EPHB4: variants seen among roughly 807,000 people sequenced by gnomAD.
EPHB4 encodes the protein ephrin type-B receptor 4.
In EPHB4, 50 loss-of-function variants were observed where a neutral mutation model predicts 110.6. That is an observed-to-expected ratio of 0.45 (90% CI 0.36 to 0.57). The LOEUF is 0.57. EPHB4 is among the 20% of genes least tolerant of loss of function. The pLI, the probability that EPHB4 is intolerant of heterozygous loss-of-function variation, is 0.00. For synonymous variants in EPHB4, 592 were observed against 578.4 expected, an observed-to-expected ratio of 1.02 and a Z score of -0.34; for missense variants, 1,128 against 1,382.1, an observed-to-expected ratio of 0.82 and a Z score of 2.91.
chr7:100,817,703 ATTTG>A (rs1813111901), intron 7 of EPHB4, among the ~76,000 whole-genome samples: 1 of 150,958 alleles, frequency 6.6e-6, no homozygotes, highest in Non-Finnish European at 1.5e-5. Flanking sequence ...TGATTTTGCT[ATTTG>A]TAGTAGAGAC....
chr7:100,806,613 G>A, intron 13 of EPHB4, 44 bp from the exon 14 acceptor site: 1 of 1,585,866 alleles, frequency 6.3e-7, no homozygotes. Context: ...CTCACTGAGG[G>A]ACTCACCAGA....
chr7:100,805,756 C>A, intron 14 of EPHB4, 62 bp from the exon 15 acceptor site: 1 of 1,372,948 alleles, frequency 7.3e-7, no homozygotes, highest in Non-Finnish European at 9.5e-7. Flanking sequence ...TGCTAACAGG[C>A]CCAGGAAATG....
rs1812989857 is a variant in EPHB4 at position 100,813,319 on chromosome 7, T to G, written c.1757-111A>C. The G allele has an allele frequency of 4.5e-6, 4 of 888,500 alleles. No individual in the cohort carries two copies. In the South Asian group the frequency reaches 5.6e-5, roughly 12 times the overall value. 55.0% of individuals were successfully genotyped at this position (888,500 alleles called of 1,614,324 possible). ...CCTGTCTCCGTGGTTTTTTTTTTTT[T>G]TTTTTTTTTTCCTGAGATGGAGTCT... On this transcript the variant is annotated intron_variant, in intron 10 of 16. Transcript: ENST00000358173.
intron 1 of EPHB4, 38 bp from the exon 2 acceptor site, chr7:100,824,311 G>T (rs370177529): frequency 7.5e-6 from 12 of 1,607,062 alleles, no homozygotes; most frequent in Admixed American, 3.3e-5. Flanking sequence ...TGCCTGGGGT[G>T]GGGGAGGGAG....
intron 15 of EPHB4, 38 bp from the exon 16 acceptor site, chr7:100,805,359 G>T (rs1011506431): frequency 6.2e-7 from 1 of 1,611,350 alleles, no homozygotes; most frequent in South Asian, 1.1e-5. Flanking sequence ...TGAGTACCAG[G>T]CCCAGGTCCG....
At chr7:100,811,306 T>TG (rs1344586409) in intron 12 of EPHB4, among the ~76,000 whole-genome samples, 6 of 151,662 alleles carry the variant, frequency 4.0e-5, no homozygotes, top group African/African-American at 1.5e-4. Flanking sequence ...CAGTAAAATC[T>TG]GGTAAAGTGA....
intron 10 of EPHB4, 55 bp downstream of exon 10, chr7:100,813,597 G>A: frequency 6.3e-7 from 1 of 1,595,028 alleles, no homozygotes; most frequent in Non-Finnish European, 8.6e-7. Context: ...ATTATAGATA[G>A]GAGCCACCAC....
In EPHB4 at chr7:100,822,324, C is replaced by T. The variant is rs759962143; in HGVS notation, c.755G>A (p.Gly252Asp). ...DGQWAEQPVT[G>D]CSCAPGFEAA... ...CTCGAACCCCGGAGCACAGCTGCAG[C>T]CCGTGACCGGCTGTTCGGCCCACTG... Residue 252 changes from glycine to aspartate, a missense_variant, in exon 4 of 17, where the codon GGC becomes GAC. By Grantham distance (94) the Gly-to-Asp change is moderately conservative. This residue lies in a region of EPHB4 where 728 missense variants were observed against 828.6 expected (regional missense o/e 0.88). Coordinates refer to ENST00000358173, the MANE Select transcript of EPHB4 (RefSeq NM_004444.5). This position sits in a 1 kb window ranked among gnomAD's most constrained non-coding sequence, Gnocchi z 4.7. The T allele has an allele frequency of 2.0e-5, 31 of 1,567,394 alleles. No homozygotes were observed. Among genetic ancestry groups the T allele is most frequent in the Non-Finnish European group, 2.6e-5 (30 of 1,154,876 alleles).
intron 4 of EPHB4, 53 bp from the exon 5 acceptor site, chr7:100,820,349 C>T (rs939126186): frequency 2.2e-5 from 34 of 1,559,704 alleles, no homozygotes; most frequent in Middle Eastern, 1.7e-4. Context: ...TCCATCTGCA[C>T]GGTGGGCTCG....
chr7:100,824,043 C>A (rs41280998), intron 2 of EPHB4, 112 bp from the exon 3 acceptor site: 4 of 1,510,912 alleles, frequency 2.6e-6, no homozygotes, highest in Non-Finnish European at 3.6e-6. Flanking sequence ...GCTGGTACTG[C>A]GAGGAGGGCG....
Position 100,820,158 on chromosome 7 carries a change from C to G in EPHB4, c.947G>C (p.Arg316Pro), listed in dbSNP as rs1453576486. The G allele has an allele frequency of 6.2e-7, 1 of 1,613,832 alleles. No homozygotes were observed. ...TCACTTACTGGTGCAGGGTGCACCC[C>G]GGGGGTCTGTGCGTGCCCGGAAGTA... is the stretch of plus-strand genomic sequence containing the variant. ...VGYFRARTDP[R>P]GAPCTTPPSA... Residue 316 changes from arginine to proline, a missense_variant, in exon 5 of 17, where the codon CGG becomes CCG. By Grantham distance (103) the Arg-to-Pro change is moderately radical (BLOSUM62 -2). Transcript: ENST00000358173.
chr7:100,820,378 C>A, intron 4 of EPHB4, 82 bp from the exon 5 acceptor site: 1 of 1,492,346 alleles, frequency 6.7e-7, no homozygotes, highest in Non-Finnish European at 8.9e-7. Flanking sequence ...TGCCTCGAAT[C>A]CCAGCACTTT....
At chr7:100,805,963 TTTTA>T (rs1037990160) in intron 14 of EPHB4, 33 of 385,264 alleles carry the variant, frequency 8.6e-5, no homozygotes, top group Admixed American at 4.3e-4. Context: ...TACCCAACTC[TTTTA>T]TTTATTTATT....
intron 2 of EPHB4, 64 bp downstream of exon 2, chr7:100,824,139 G>A (rs1202953704): frequency 1.7e-5 from 27 of 1,604,794 alleles, no homozygotes; most frequent in Non-Finnish European, 2.1e-5. Context: ...AAAGCAGGCG[G>A]CACAGGCGCC....
intron 1 of EPHB4, 26 bp downstream of exon 1, chr7:100,826,953 G>GCCC: frequency 6.6e-7 from 1 of 1,510,746 alleles, no homozygotes; most frequent in African/African-American, 1.5e-5. Flanking sequence ...GTGACGGGGT[G>GCCC]CGCCCCCCCC....
chr7:100,822,777 G>T lies in EPHB4; in HGVS notation c.412-110C>A. 1 of 1,409,320 alleles carries T rather than the reference G, an allele frequency of 7.1e-7. No homozygotes were observed. Among genetic ancestry groups the T allele is most frequent in the Non-Finnish European group, 9.3e-7 (1 of 1,076,742 alleles). 87.3% of individuals were successfully genotyped at this position (1,409,320 alleles called of 1,614,324 possible). The stretch of plus-strand genomic sequence containing the variant: ...CCGGACCTCCTTGGTTCCCGTTCCA[G>T]AATCTTCCCTCCACCTTCCCCAGGG... On this transcript the variant is annotated intron_variant, in intron 3 of 16. Transcript: ENST00000358173. The surrounding 1 kb of genome is among the most constrained non-coding windows in gnomAD (Gnocchi z 4.7).
At chr7:100,824,020 A>C (rs1327874510) in intron 2 of EPHB4, 89 bp from the exon 3 acceptor site, 3 of 1,510,614 alleles carry the variant, frequency 2.0e-6, no homozygotes, top group Non-Finnish European at 2.7e-6. Flanking sequence ...AGAGGGACTG[A>C]GAAAGGGGGG....
In EPHB4 at chr7:100,827,335, CG is replaced by C; in HGVS notation, c.-306del. 1 of 151,600 alleles carries C rather than the reference CG, an allele frequency of 6.6e-6. No homozygotes were observed. The highest frequency in any genetic ancestry group is 1.5e-5 in the Non-Finnish European group (1 of 68,214). 9.4% of individuals were successfully genotyped at this position (151,600 alleles called of 1,614,324 possible). A position where few individuals can be genotyped will look rare whatever the true frequency, so the allele number is the denominator to read the frequency against. On this transcript the variant is annotated 5_prime_UTR_variant, in exon 1 of 17. Coordinates refer to ENST00000358173, the MANE Select transcript of EPHB4 (RefSeq NM_004444.5). Reference sequence around the variant, plus strand: ...GGCCTCGGGGTCCCGCCCCGGGTGGCGGGGGCTGAGCCGGCCGCTCGCGGTC... The same window carrying C: ...GGCCTCGGGGTCCCGCCCCGGGTGGCGGGGCTGAGCCGGCCGCTCGCGGTC...
In EPHB4 at chr7:100,803,594, C is replaced by A; in HGVS notation, c.2835-4G>T. 6.3e-7 allele frequency: 1 copy of A among 1,599,190 alleles called. No individual in the cohort carries two copies. The highest frequency in any genetic ancestry group is 8.5e-7 in the Non-Finnish European group (1 of 1,169,970). ...GACTCCGATTCGGAGCAGGTCCCTG[C>A]AGAAGGAAAGGAGAGCTTGGTGAGA... On this transcript the variant is annotated splice_region_variant and splice_polypyrimidine_tract_variant and intron_variant, in intron 16 of 16. Transcript: ENST00000358173.
Sources: allele counts gnomAD v4.1 joint callset (sites outside exome capture counted in the v4.1 genomes callset), GRCh38; gene constraint gnomAD v4.1.1; regional missense constraint gnomAD v4.1.1; non-coding constraint Gnocchi (gnomAD v3.1); transcripts MANE v1.5; gene names NCBI Gene and HGNC (gene_info 2026-07-23, HGNC 2026-07-21).